TRIM69: variants seen among roughly 807,000 people sequenced by gnomAD.
The protein encoded by TRIM69 is E3 ubiquitin-protein ligase TRIM69.
A neutral mutation model predicts 37.7 loss-of-function variants in TRIM69; 29 were observed. The observed-to-expected ratio is 0.77, with a 90% CI of 0.57 to 1.05. TRIM69 has a LOEUF of 1.05. Ranked by LOEUF, TRIM69 falls within the 50% of genes least tolerant of loss-of-function variation. The pLI is 0.00. For missense variants in TRIM69, 596 were observed against 579.9 expected, an observed-to-expected ratio of 1.03 and a Z score of -0.28; for synonymous variants, 209 against 212.4, an observed-to-expected ratio of 0.98 and a Z score of 0.14.
chr15:44,761,009 C>A (rs2087763249), intron 6 of TRIM69, among the ~76,000 whole-genome samples: 1 of 151,988 alleles, frequency 6.6e-6, no homozygotes, highest in African/African-American at 2.4e-5. Flanking sequence ...GCTCTGCCTC[C>A]AGGGTTCATG....
chr15:44,741,889 C>T (rs1370820773), intron 1 of TRIM69, among the ~76,000 whole-genome samples: 1 of 151,982 alleles, frequency 6.6e-6, no homozygotes, highest in Non-Finnish European at 1.5e-5. Flanking sequence ...ACCAGAGGTA[C>T]AAGGAGGAAC....
chr15:44,756,782 A>C, intron 3 of TRIM69: 1 of 209,574 alleles, frequency 4.8e-6, no homozygotes, highest in Non-Finnish European at 9.4e-6. Context: ...AAAGGAACTT[A>C]TTAGAAAAAA....
At chr15:44,754,710 A>G in intron 1 of TRIM69, 190 bp from the exon 2 acceptor site, 2 of 578,716 alleles carry the variant, frequency 3.5e-6, no homozygotes, top group Non-Finnish European at 6.1e-6. Flanking sequence ...TCTTTATTAA[A>G]GTTTAAATAG....
chr15:44,759,478 G>A (rs17589301), intron 4 of TRIM69, among the ~76,000 whole-genome samples, 162 bp from the exon 5 acceptor site: 20,376 of 152,222 alleles, frequency 0.13, 1,625 homozygotes, highest in African/African-American at 0.21. Flanking sequence ...CCTGGGTTAG[G>A]ATCAGGGATG....
At position 44,755,376 on chromosome 15, in the gene TRIM69, G is replaced by T; in HGVS notation, c.483G>T (p.Thr161=). Reference sequence around the variant, plus strand: ...TCTCTGATGCTGTCCATTTCTTCACGGTGGGTGAGCCCTGGGCCTTGAACA... The same window carrying T: ...TCTCTGATGCTGTCCATTTCTTCACTGTGGGTGAGCCCTGGGCCTTGAACA... ...LQISDAVHFF[T]EELAIQQGQL... is the part of the protein sequence containing the mutation. Residue 161 remains threonine, a splice_region_variant and synonymous_variant, in exon 2 of 7, where the codon ACG becomes ACT. Coordinates refer to ENST00000329464, the MANE Select transcript of TRIM69 (RefSeq NM_182985.5). 6.2e-7 allele frequency: 1 copy of T among 1,607,480 alleles called. No homozygotes were observed. The highest frequency in any genetic ancestry group is 1.1e-5 in the South Asian group (1 of 90,872).
rs778503925 is a variant in TRIM69, at chr15:44,767,436, A to G, written c.1167A>G (p.Lys389=). 6.2e-7 allele frequency: 1 copy of G among 1,614,178 alleles called. No individual in the cohort carries two copies. The highest frequency in any genetic ancestry group is 2.2e-5 in the East Asian group (1 of 44,888). Reference sequence around the variant, plus strand: ...AAGTAGAAGTAGCAAAGAAGACAAAATGGACAGTTGGAGTTGTCAGAGAAT... The same window carrying G: ...AAGTAGAAGTAGCAAAGAAGACAAAGTGGACAGTTGGAGTTGTCAGAGAAT... ...YWEVEVAKKT[K]WTVGVVRESI... Residue 389 remains lysine, a synonymous_variant, in exon 7 of 7, where the codon AAA becomes AAG. Transcript: ENST00000329464.
At chr15:44,739,389 G>T (rs896251688) in intron 1 of TRIM69, among the ~76,000 whole-genome samples, 1 of 152,222 alleles carries the variant, frequency 6.6e-6, no homozygotes, top group African/African-American at 2.4e-5. Context: ...AGGACAGTGG[G>T]TGCAGCGCAC....
chr15:44,756,581 C>A, intron 3 of TRIM69, 118 bp downstream of exon 3: 1 of 659,984 alleles, frequency 1.5e-6, no homozygotes, highest in Non-Finnish European at 2.6e-6. Flanking sequence ...GGTACCTAGG[C>A]TATGGAATTG....
Position 44,755,004 on chromosome 15 carries a change from G to A in TRIM69, c.111G>A (p.Met37Ile), listed in dbSNP as rs774571457. The A allele has an allele frequency of 1.2e-6, 2 of 1,614,146 alleles. No homozygotes were observed. The highest frequency in any genetic ancestry group is 1.7e-6 in the Non-Finnish European group (2 of 1,179,996). ...AAGTGGTGATACAAGATATTACTAT[G>A]GAGCTACACTGCCCTCTGTGCAATG... ...PSKVVIQDIT[M>I]ELHCPLCNDW... Residue 37 changes from methionine to isoleucine, a missense_variant, in exon 2 of 7, where the codon ATG becomes ATA. Met to Ile is a conservative substitution (Grantham distance 10, BLOSUM62 1). Coordinates refer to ENST00000329464, the MANE Select transcript of TRIM69 (RefSeq NM_182985.5).
At chr15:44,740,656 G>C (rs2087262445) in intron 1 of TRIM69, among the ~76,000 whole-genome samples, 1 of 151,536 alleles carries the variant, frequency 6.6e-6, no homozygotes, top group African/African-American at 2.4e-5. Flanking sequence ...AAAAGGCAGG[G>C]GTTGCAATCC....
chr15:44,760,319 A>G (rs1255448959), intron 6 of TRIM69, among the ~76,000 whole-genome samples: 1 of 152,208 alleles, frequency 6.6e-6, no homozygotes, highest in Non-Finnish European at 1.5e-5. Flanking sequence ...AGTGCTTCAG[A>G]AGAAAACCAA....
intron 6 of TRIM69, among the ~76,000 whole-genome samples, chr15:44,761,612 G>A (rs189831003): frequency 9.9e-5 from 15 of 152,192 alleles, no homozygotes; most frequent in African/African-American, 3.1e-4. Flanking sequence ...TTACAGGCGC[G>A]CACTGCCATG....
At chr15:44,736,801 C>T in intron 1 of TRIM69, 91 bp downstream of exon 1, 1 of 1,472,318 alleles carries the variant, frequency 6.8e-7, no homozygotes, top group Non-Finnish European at 9.2e-7. Context: ...TTTAGGAGCA[C>T]AAAAGGAAAT....
Position 44,767,752 on chromosome 15 carries a change from C to A in TRIM69, c.1483C>A (p.His495Asn), listed in dbSNP as rs1442246522. 5 of 1,612,226 alleles carry A rather than the reference C, an allele frequency of 3.1e-6. No homozygotes were observed. The highest frequency in any genetic ancestry group is 2.2e-5 in the South Asian group (2 of 91,012). ...TGGTGGAGAGAATAAAGAACCATTG[C>A]ACATCTTACATCCACAGTAATGAGT... is the stretch of plus-strand genomic sequence containing the variant. ...NDGGENKEPLHILHPQ is the reference protein window; with the variant it reads ...NDGGENKEPLNILHPQ Residue 495 changes from histidine to asparagine, a missense_variant, in exon 7 of 7, where the codon CAC becomes AAC. His to Asn is a moderately conservative substitution (Grantham distance 68). Transcript: ENST00000329464.
At chr15:44,765,135 G>A (rs1245102992) in intron 6 of TRIM69, among the ~76,000 whole-genome samples, 2 of 152,212 alleles carry the variant, frequency 1.3e-5, no homozygotes, top group Admixed American at 1.3e-4. Flanking sequence ...TCTGGAAGTA[G>A]TCAGAAGTGT....
intron 1 of TRIM69, among the ~76,000 whole-genome samples, chr15:44,750,560 T>C (rs1022126538): frequency 6.6e-6 from 1 of 152,044 alleles, no homozygotes; most frequent in Non-Finnish European, 1.5e-5. Context: ...TAATCCTTTT[T>C]TATTTCTGTA....
rs869059418 is a variant in TRIM69, at chr15:44,750,715, C to CTTTTTTTTTTTTTTTTTTTTT, written c.7-4178_7-4158dup. Among the ~76,000 whole-genome samples the CTTTTTTTTTTTTTTTTTTTTT allele has an allele frequency of 3.9e-5, 4 of 102,838 alleles. 2 individuals are homozygous for CTTTTTTTTTTTTTTTTTTTTT. The highest frequency in any genetic ancestry group is 2.4e-4 in the Admixed American group (2 of 8,358). 67.5% of individuals were successfully genotyped at this position (102,838 alleles called of 152,430 possible). A position where few individuals can be genotyped will look rare whatever the true frequency, so the allele number is the denominator to read the frequency against. ...TCGCATTTTTATTTCATTACTTTTT[C>CTTTTTTTTTTTTTTTTTTTTT]TTTTTTTTTTTTTTTTTTTTTTTTT... On this transcript the variant is annotated intron_variant, in intron 1 of 6. Transcript: ENST00000329464.
chr15:44,756,870 G>A (rs2087662315), intron 3 of TRIM69: 1 of 155,794 alleles, frequency 6.4e-6, no homozygotes, highest in Non-Finnish European at 1.4e-5. Context: ...CTCTGGACTA[G>A]GTCTCTAAGG....
At chr15:44,747,996 A>G (rs2087443570) in intron 1 of TRIM69, among the ~76,000 whole-genome samples, 1 of 152,164 alleles carries the variant, frequency 6.6e-6, no homozygotes, top group South Asian at 2.1e-4. Flanking sequence ...TCCAATTCTC[A>G]AGTGGATATA....
Sources: gnomAD v4.1 joint callset for allele counts (sites outside exome capture counted in the v4.1 genomes callset) on GRCh38, gnomAD v4.1.1 for gene constraint, MANE v1.5 for transcripts, NCBI Gene and HGNC (gene_info 2026-07-23, HGNC 2026-07-21) for gene names.